The following DCDC1 variants were observed in gnomAD, a reference collection of about 807,000 sequenced individuals.
The protein encoded by DCDC1 is doublecortin domain containing 1, also known as doublecortin domain-containing protein 1.
A neutral mutation model predicts 178.3 loss-of-function variants in DCDC1; 200 were observed. The ratio of observed to expected loss-of-function variants is 1.12; its 90% CI spans 1.00 to 1.26. The LOEUF is 1.26. Ranked by LOEUF, DCDC1 falls within the 50% of genes most tolerant of loss-of-function variation. The probability of loss-of-function intolerance (pLI) is 0.00; values close to 1 mark genes in which losing one functional copy is unlikely to be tolerated. For missense variants in DCDC1, 1,983 were observed against 1,749.2 expected (o/e 1.13, Z -2.38); for synonymous variants, 690 against 604.8 (o/e 1.14, Z -2.07).
chr11:31,354,319 A>G (rs1246645158), intron 1 of DCDC1, among the ~76,000 whole-genome samples: 3 of 152,154 alleles, frequency 2.0e-5, no homozygotes, highest in Non-Finnish European at 2.9e-5. Flanking sequence ...TATGAGTCAA[A>G]TATTTATGAC....
chr11:31,295,988 C>T (rs1366915264), intron 6 of DCDC1, among the ~76,000 whole-genome samples: 1 of 152,140 alleles, frequency 6.6e-6, no homozygotes, highest in Non-Finnish European at 1.5e-5. Context: ...ATTCTATACA[C>T]CAATCACAAC....
intron 18 of DCDC1, among the ~76,000 whole-genome samples, chr11:31,071,882 C>T (rs1234941050): frequency 6.6e-6 from 1 of 152,186 alleles, no homozygotes; most frequent in African/African-American, 2.4e-5. Context: ...ATCTTCCAGC[C>T]TTGGTCAAGC....
intron 20 of DCDC1, among the ~76,000 whole-genome samples, chr11:30,954,381 T>C (rs959253497): frequency 6.6e-6 from 1 of 152,042 alleles, no homozygotes; most frequent in Non-Finnish European, 1.5e-5. Context: ...AAATAGAAAA[T>C]ACTAAAAACG....
chr11:31,241,359 T>C, intron 9 of DCDC1, 91 bp downstream of exon 9: 1 of 391,736 alleles, frequency 2.6e-6, no homozygotes, highest in East Asian at 3.6e-5. Context: ...GTCACAGTTC[T>C]TTTATGACAC....
At chr11:30,975,005 A>C (rs1160192871) in intron 20 of DCDC1, among the ~76,000 whole-genome samples, 1 of 152,154 alleles carries the variant, frequency 6.6e-6, no homozygotes, top group African/African-American at 2.4e-5. Flanking sequence ...CCAACAGTAC[A>C]TTAAAAAGAT....
chr11:31,285,676 C>T (rs548914482), intron 7 of DCDC1, among the ~76,000 whole-genome samples: 3 of 152,148 alleles, frequency 2.0e-5, no homozygotes, highest in African/African-American at 7.2e-5. Context: ...ATATATATTT[C>T]TCATGGCTTA....
chr11:31,121,778 G>C (rs1360496901), intron 11 of DCDC1, among the ~76,000 whole-genome samples: 1 of 151,920 alleles, frequency 6.6e-6, no homozygotes, highest in Non-Finnish European at 1.5e-5. Flanking sequence ...ATGTAACAGA[G>C]TGATGAAAAT....
chr11:31,221,533 T>C (rs1385539092), intron 9 of DCDC1, among the ~76,000 whole-genome samples: 1 of 152,194 alleles, frequency 6.6e-6, no homozygotes, highest in Non-Finnish European at 1.5e-5. Context: ...TCCACATGGT[T>C]CTGGTGGATC....
chr11:31,343,260 A>C (rs1211934431), intron 1 of DCDC1, among the ~76,000 whole-genome samples: 2 of 152,154 alleles, frequency 1.3e-5, no homozygotes, highest in Non-Finnish European at 2.9e-5. Context: ...TCAAGGTTGC[A>C]CTAAGTATGA....
At chr11:31,195,557 T>G (rs1214999364) in intron 9 of DCDC1, among the ~76,000 whole-genome samples, 1 of 152,016 alleles carries the variant, frequency 6.6e-6, no homozygotes, top group Non-Finnish European at 1.5e-5. Context: ...TACTCCTCGC[T>G]CATCCTTCAA....
chr11:30,962,052 T>G (rs762413650), intron 20 of DCDC1, among the ~76,000 whole-genome samples: 13 of 152,028 alleles, frequency 8.6e-5, no homozygotes, highest in Non-Finnish European at 1.6e-4. Flanking sequence ...TTTAGCCCAT[T>G]TTTATTTTGC....
intron 22 of DCDC1, among the ~76,000 whole-genome samples, chr11:30,930,075 G>C (rs1280676506): frequency 6.6e-6 from 1 of 152,084 alleles, no homozygotes; most frequent in African/African-American, 2.4e-5. Flanking sequence ...TTTGCTTGTA[G>C]AGACACTAAA....
chr11:31,066,445 C>T (rs1012540672), intron 18 of DCDC1, among the ~76,000 whole-genome samples: 5 of 152,084 alleles, frequency 3.3e-5, no homozygotes, highest in Admixed American at 2.0e-4. Flanking sequence ...AATATAAACT[C>T]CTTACTGCAC....
At chr11:31,306,809 G>C (rs955330686) in intron 4 of DCDC1, among the ~76,000 whole-genome samples, 5 of 151,836 alleles carry the variant, frequency 3.3e-5, no homozygotes, top group Non-Finnish European at 7.4e-5. Flanking sequence ...CAAGTTTTCA[G>C]GTTTATCAAA....
At chr11:31,080,506 TATAATC>T (rs2135575426) in intron 17 of DCDC1, among the ~76,000 whole-genome samples, 1 of 152,328 alleles carries the variant, frequency 6.6e-6, no homozygotes, top group Admixed American at 6.5e-5. Flanking sequence ...TACATATTGA[TATAATC>T]ATAATGTTTT....
intron 30 of DCDC1, 123 bp downstream of exon 30, chr11:30,906,417 T>C: frequency 2.1e-6 from 2 of 950,330 alleles, no homozygotes; most frequent in Middle Eastern, 2.4e-4. Flanking sequence ...ATGGTAAAGG[T>C]GCATCTGAGG....
chr11:31,193,039 A>C (rs1970300025), intron 9 of DCDC1, among the ~76,000 whole-genome samples: 1 of 152,206 alleles, frequency 6.6e-6, no homozygotes, highest in East Asian at 1.9e-4. Context: ...TGGAACTTAA[A>C]CAAGTTGCCT....
chr11:31,330,154 T>C (rs1171140665), intron 2 of DCDC1, among the ~76,000 whole-genome samples: 3 of 152,260 alleles, frequency 2.0e-5, no homozygotes, highest in African/African-American at 7.2e-5. Flanking sequence ...TGACCAGTGA[T>C]GATGAGCATT....
intron 8 of DCDC1, among the ~76,000 whole-genome samples, chr11:31,254,875 C>A (rs1944307068): frequency 6.6e-6 from 1 of 152,102 alleles, no homozygotes; most frequent in Non-Finnish European, 1.5e-5. Flanking sequence ...GTGCAACCAC[C>A]ACCTCTATAT....
Sources: allele counts gnomAD v4.1 joint callset (sites outside exome capture counted in the v4.1 genomes callset), GRCh38; gene constraint gnomAD v4.1.1; transcripts MANE v1.5; gene names NCBI Gene and HGNC (gene_info 2026-07-23, HGNC 2026-07-21).